C10orf90: variants seen among roughly 807,000 people sequenced by gnomAD.
C10orf90 encodes (E2-independent) E3 ubiquitin-conjugating enzyme FATS.
In C10orf90, 56 loss-of-function variants were observed where a neutral mutation model predicts 62.5. That is an observed-to-expected ratio of 0.90 (90% confidence interval 0.72 to 1.12). The LOEUF (loss-of-function observed/expected upper bound fraction) is 1.12. Ranked by LOEUF, C10orf90 falls within the 50% of genes most tolerant of loss-of-function variation. The pLI, the probability that C10orf90 is intolerant of heterozygous loss-of-function variation, is 0.00. For synonymous variants in C10orf90, 386 were observed against 340.4 expected (o/e 1.13, Z -1.47); for missense variants, 970 against 880.4 (o/e 1.10, Z -1.29).
At chr10:126,521,022 T>C (rs1863714004) in intron 2 of C10orf90, among the ~76,000 whole-genome samples, 1 of 152,206 alleles carries the variant, frequency 6.6e-6, no homozygotes. Flanking sequence ...GATCAGGGGT[T>C]AGGCCTGGAA....
intron 2 of C10orf90, among the ~76,000 whole-genome samples, chr10:126,612,655 T>A (rs1362447542): frequency 6.6e-6 from 1 of 152,234 alleles, no homozygotes. Flanking sequence ...TCAGGTGGAC[T>A]ATCGTGTTTT....
intron 2 of C10orf90, among the ~76,000 whole-genome samples, chr10:126,580,388 G>A (rs960848514): frequency 4.6e-5 from 7 of 152,164 alleles, no homozygotes; most frequent in African/African-American, 1.7e-4. Flanking sequence ...AGGCGTGGTG[G>A]CTCATTCCTG....
In C10orf90 at chr10:126,625,917, C is replaced by G. The variant is rs375895164; in HGVS notation, c.313+20648G>C. ...ATGACTTGAGGTCAGGAGTTAGAAA[C>G]CAGCCTCGCCAACATGGTGAAACCC... On this transcript the variant is annotated intron_variant, in intron 2 of 9. Transcript: ENST00000488181. Among the ~76,000 whole-genome samples the G allele has an allele frequency of 5.9e-5, 9 of 152,076 alleles. No homozygotes were observed. The East Asian group carries it at 1.2e-3, about 20-fold the overall frequency.
intron 2 of C10orf90, among the ~76,000 whole-genome samples, chr10:126,564,452 T>C (rs1844255108): frequency 6.6e-6 from 1 of 151,786 alleles, no homozygotes; most frequent in African/African-American, 2.4e-5. Context: ...AACAAACAGC[T>C]TGGCTCTCAG....
chr10:126,540,509 G>C (rs1347728548), intron 2 of C10orf90, among the ~76,000 whole-genome samples: 1 of 151,972 alleles, frequency 6.6e-6, no homozygotes, highest in East Asian at 1.9e-4. Context: ...AAGTTAAAAA[G>C]TTGGTCAAGC....
intron 2 of C10orf90, among the ~76,000 whole-genome samples, chr10:126,545,039 G>T (rs541370427): frequency 1.1e-4 from 16 of 152,276 alleles, no homozygotes; most frequent in Admixed American, 4.6e-4. Context: ...AAGATGTGGT[G>T]CAATGTTAAC....
intron 2 of C10orf90, among the ~76,000 whole-genome samples, chr10:126,613,060 C>A (rs1402826255): frequency 6.6e-6 from 1 of 152,068 alleles, no homozygotes; most frequent in African/African-American, 2.4e-5. Flanking sequence ...AATATTCAAG[C>A]AGTATATTCA....
intron 7 of C10orf90, among the ~76,000 whole-genome samples, chr10:126,440,670 C>A (rs546419172): frequency 6.6e-6 from 1 of 152,296 alleles, no homozygotes; most frequent in East Asian, 1.9e-4. Flanking sequence ...GAAGCAGGTG[C>A]TGGTATCCAT....
chr10:126,515,691 C>T (rs1216531323), intron 2 of C10orf90, among the ~76,000 whole-genome samples: 1 of 152,188 alleles, frequency 6.6e-6, no homozygotes, highest in Non-Finnish European at 1.5e-5. Flanking sequence ...TAACTGAAAG[C>T]ATTTTATGAG....
intron 2 of C10orf90, among the ~76,000 whole-genome samples, chr10:126,562,036 C>T (rs1392559673): frequency 6.6e-6 from 1 of 152,166 alleles, no homozygotes; most frequent in Non-Finnish European, 1.5e-5. Flanking sequence ...TCCTGGGTGC[C>T]GCCCTCCCGC....
intron 7 of C10orf90, among the ~76,000 whole-genome samples, chr10:126,438,066 C>T (rs780001495): frequency 1.8e-4 from 28 of 152,290 alleles, no homozygotes; most frequent in Non-Finnish European, 3.2e-4. Flanking sequence ...TGACTTTGTG[C>T]TGGGCACCAA....
intron 1 of C10orf90, among the ~76,000 whole-genome samples, chr10:126,648,824 A>G (rs1471639481): frequency 6.6e-6 from 1 of 151,674 alleles, no homozygotes; most frequent in African/African-American, 2.4e-5. Flanking sequence ...TCTTTTAAGA[A>G]AGATTGTTAT....
At chr10:126,498,542 C>T (rs56797808) in intron 4 of C10orf90, among the ~76,000 whole-genome samples, 3,182 of 152,218 alleles carry the variant, frequency 0.021, 111 homozygotes, top group African/African-American at 0.071. Context: ...AGTCACAGAG[C>T]GGAAAACGCA....
intron 2 of C10orf90, among the ~76,000 whole-genome samples, chr10:126,580,343 C>T (rs1278967083): frequency 6.6e-6 from 1 of 152,172 alleles, no homozygotes; most frequent in Non-Finnish European, 1.5e-5. Flanking sequence ...TGGTTTCTCT[C>T]ACCACAAAAA....
chr10:126,560,583 C>G (rs1274190257), intron 2 of C10orf90, among the ~76,000 whole-genome samples: 1 of 152,174 alleles, frequency 6.6e-6, no homozygotes. Context: ...TGTAACCCTA[C>G]TAAGAGAGCC....
intron 4 of C10orf90, among the ~76,000 whole-genome samples, chr10:126,492,328 G>T (rs1368261380): frequency 6.6e-6 from 1 of 152,052 alleles, no homozygotes. Flanking sequence ...AAGGACAGCC[G>T]CCCATAATGA....
chr10:126,649,014 C>A (rs538285164), intron 1 of C10orf90, among the ~76,000 whole-genome samples: 13 of 86,068 alleles, frequency 1.5e-4, no homozygotes, highest in East Asian at 6.1e-4. Context: ...CAGATGATAT[C>A]TCTCTCTCTC....
At chr10:126,552,982 T>A (rs953488813) in intron 2 of C10orf90, among the ~76,000 whole-genome samples, 2 of 152,134 alleles carry the variant, frequency 1.3e-5, no homozygotes, top group Non-Finnish European at 2.9e-5. Context: ...AAAATGAACC[T>A]CAACCCTGCT....
rs775132322 is a variant in C10orf90, at chr10:126,504,755, G to C, written c.736C>G (p.Pro246Ala). 1.1e-5 allele frequency: 17 copies of C among 1,590,218 alleles called. No individual in the cohort carries two copies. Among genetic ancestry groups the C allele is most frequent in the African/African-American group, 1.3e-5 (1 of 74,282 alleles). The change falls in exon 4 of 10, where the codon CCC (proline) becomes GCC (alanine). Residue 246 changes from proline (P) to alanine (A), a missense_variant. Pro to Ala is a conservative substitution (Grantham distance 27, BLOSUM62 -1). Transcript: ENST00000488181. This position sits in a 1 kb window ranked among gnomAD's most constrained non-coding sequence, Gnocchi z 4.1. ...SITITARRVG[P>A]PARALVWGTA... ...CCCCACACCAGGGCGCGGGCTGGGGGGCCCACGCGTCTGGCCGTGATGGTG... is the reference window on the plus strand; with the variant it reads ...CCCCACACCAGGGCGCGGGCTGGGGCGCCCACGCGTCTGGCCGTGATGGTG...
Sources: allele counts gnomAD v4.1 joint callset (sites outside exome capture counted in the v4.1 genomes callset), GRCh38; gene constraint gnomAD v4.1.1; non-coding constraint Gnocchi (gnomAD v3.1); transcripts MANE v1.5; gene names NCBI Gene and HGNC (gene_info 2026-07-23, HGNC 2026-07-21).